The following CNOT9 variants were observed in gnomAD, a reference collection of about 807,000 sequenced individuals.
CNOT9 encodes CCR4-NOT transcription complex subunit 9.
In CNOT9, 8 loss-of-function variants were observed where a neutral mutation model predicts 37.4. That is an observed-to-expected ratio of 0.21 (90% CI 0.13 to 0.39). The LOEUF is 0.39. Among genes scored for constraint, CNOT9 ranks in the 10% least tolerant of loss-of-function variants. The pLI, the probability that CNOT9 is intolerant of heterozygous loss-of-function variation, is 1.00. For missense variants in CNOT9, 154 were observed against 365.3 expected (o/e 0.42, Z 4.71); for synonymous variants, 120 against 137.6 (o/e 0.87, Z 0.90).
chr2:218,576,970 A>AC (rs200808785), intron 1 of CNOT9, among the ~76,000 whole-genome samples: 1,938 of 151,812 alleles, frequency 0.013, 50 homozygotes, highest in African/African-American at 0.045. Flanking sequence ...CCATCTCAAA[A>AC]AAAAAAAAAA....
At chr2:218,586,436 AAG>A (rs1694600672) in intron 4 of CNOT9, among the ~76,000 whole-genome samples, 1 of 152,028 alleles carries the variant, frequency 6.6e-6, no homozygotes, top group African/African-American at 2.4e-5. Flanking sequence ...ACAAGCCAGG[AAG>A]AGAGACTTTA....
rs1694829919 is a variant in CNOT9 at position 218,592,984 on chromosome 2, T to C, written c.731+277T>C. The C allele has an allele frequency of 1.2e-5, 5 of 409,322 alleles. No homozygotes were observed. Among genetic ancestry groups the C allele is most frequent in the Non-Finnish European group, 1.7e-5 (4 of 229,220 alleles). The allele number at this position is 409,322 out of a possible 1,614,324, so 25.4% of individuals were successfully genotyped here. On this transcript the variant is annotated intron_variant, in intron 7 of 7. Coordinates refer to ENST00000273064, the MANE Select transcript of CNOT9 (RefSeq NM_005444.3). The surrounding 1 kb of genome is among the most constrained non-coding windows in gnomAD (Gnocchi z 4.1). ...ACCTTATGATGCATTACTCCTGTTG[T>C]TTGAATTTTCTGTTGCTACTCTACG... is the stretch of plus-strand genomic sequence containing the variant.
At position 218,595,433 on chromosome 2, in the gene CNOT9, G is replaced by T. The variant is rs201120391; in HGVS notation, c.*1157G>T. On this transcript the variant is annotated 3_prime_UTR_variant, in exon 8 of 8. Coordinates refer to ENST00000273064, the MANE Select transcript of CNOT9 (RefSeq NM_005444.3). Reference sequence around the variant, plus strand: ...TTTTTTTTTTTTTTTTTTTTTTTTTGACCATTCTCTTTTAGTCTATGGGAA... The same window carrying T: ...TTTTTTTTTTTTTTTTTTTTTTTTTTACCATTCTCTTTTAGTCTATGGGAA... 1.7e-3 allele frequency: 27 copies of T among 15,906 alleles called. No individual in the cohort carries two copies. The highest frequency in any genetic ancestry group is 5.7e-3 in the East Asian group (2 of 348). The allele number at this position is 15,906 out of a possible 1,614,324, so 1.0% of individuals were successfully genotyped here.
chr2:218,582,029 C>T (rs987087891), intron 2 of CNOT9, among the ~76,000 whole-genome samples: 3 of 152,024 alleles, frequency 2.0e-5, no homozygotes, highest in Admixed American at 6.6e-5. Flanking sequence ...CTGCAGTGAG[C>T]CATGATCATG....
intron 4 of CNOT9, among the ~76,000 whole-genome samples, chr2:218,587,148 T>C (rs190419758): frequency 3.9e-4 from 60 of 152,216 alleles, no homozygotes; most frequent in Middle Eastern, 6.8e-3. Flanking sequence ...AAAGCTTTTT[T>C]TTTTAGAGAG....
chr2:218,575,110 C>T (rs1266870783), intron 1 of CNOT9, among the ~76,000 whole-genome samples: 3 of 152,118 alleles, frequency 2.0e-5, no homozygotes, highest in Admixed American at 1.3e-4. Context: ...AATGACTTAT[C>T]CTAGGTCACA....
rs1488843134 is a variant in CNOT9 at position 218,594,192 on chromosome 2, G to A, written c.816G>A (p.Thr272=). The change falls in exon 8 of 8, where the codon ACG becomes ACA. Residue 272 remains threonine (T), a synonymous_variant. Transcript: ENST00000273064. ...FAQVLKDDTT[T]KRWLAQLVKN... ...AGGTGCTAAAAGATGACACCACCAC[G>A]AAACGCTGGCTTGCACAACTGGTGA... The A allele has an allele frequency of 2.5e-6, 4 of 1,614,202 alleles. No homozygotes were observed. The highest frequency in any genetic ancestry group is 1.6e-4 in the Middle Eastern group (1 of 6,062).
rs2106099510 is a variant in CNOT9, at chr2:218,592,047, C to T, written c.541-257C>T. Among the ~76,000 whole-genome samples the T allele has an allele frequency of 6.6e-6, 1 of 152,070 alleles. No individual in the cohort carries two copies. Among genetic ancestry groups the T allele is most frequent in the East Asian group, 1.9e-4 (1 of 5,188 alleles). The stretch of plus-strand genomic sequence containing the variant: ...ATGTAAAGTGAGAATAATAATGGTA[C>T]CTACCTCATTGATTTATTATAAAAA... On this transcript the variant is annotated intron_variant, in intron 5 of 7. Coordinates refer to ENST00000273064, the MANE Select transcript of CNOT9 (RefSeq NM_005444.3). The surrounding 1 kb of genome is among the most constrained non-coding windows in gnomAD (Gnocchi z 4.1).
chr2:218,577,629 G>C (rs996741483), intron 1 of CNOT9, among the ~76,000 whole-genome samples: 4 of 152,206 alleles, frequency 2.6e-5, no homozygotes, highest in African/African-American at 7.2e-5. Flanking sequence ...TGGGCATCAG[G>C]CCAGCTCCAG....
chr2:218,582,787 G>A (rs1011476349), intron 2 of CNOT9, among the ~76,000 whole-genome samples, 184 bp from the exon 3 acceptor site: 1 of 151,654 alleles, frequency 6.6e-6, no homozygotes, highest in African/African-American at 2.4e-5. Context: ...GCTAGTCTCA[G>A]CCAAGTAAGT....
intron 5 of CNOT9, among the ~76,000 whole-genome samples, chr2:218,588,919 G>A (rs1485786003): frequency 6.6e-6 from 1 of 151,532 alleles, no homozygotes; most frequent in Non-Finnish European, 1.5e-5. Context: ...CTTTTTTGTT[G>A]ATTTGTATAT....
At chr2:218,569,538 G>A (rs1242651308) in intron 1 of CNOT9, among the ~76,000 whole-genome samples, 18 of 152,174 alleles carry the variant, frequency 1.2e-4, no homozygotes, top group Non-Finnish European at 1.5e-5. Context: ...GAAAGATAGT[G>A]TAATTCAGCT....
intron 7 of CNOT9, chr2:218,593,812 CA>C: frequency 8.1e-7 from 1 of 1,230,896 alleles, no homozygotes; most frequent in African/African-American, 1.5e-5. Context: ...AGTATTTTGA[CA>C]GTATTTAATA....
intron 1 of CNOT9, chr2:218,573,735 C>G (rs192379967): frequency 6.4e-6 from 1 of 155,572 alleles, no homozygotes; most frequent in East Asian, 1.9e-4. Context: ...AGAAGACCAA[C>G]TTAAACTGTC....
At chr2:218,581,344 T>A (rs28547028) in intron 2 of CNOT9, among the ~76,000 whole-genome samples, 42 of 151,012 alleles carry the variant, frequency 2.8e-4, no homozygotes, top group Admixed American at 5.3e-4. Flanking sequence ...TTTTTTTTTT[T>A]AATTTTTAGT....
Position 218,589,850 on chromosome 2 carries a change from G to A in CNOT9, c.540+2155G>A, listed in dbSNP as rs528279485. Among the ~76,000 whole-genome samples the A allele has an allele frequency of 9.8e-5, 15 of 152,288 alleles. No individual in the cohort carries two copies. In the South Asian group the frequency reaches 3.1e-3, roughly 32 times the overall value. ...TATTTTAAATATTCAATATATGGAT[G>A]ACTGTCAAAGGCATTGTTGAGCAAA... is the stretch of plus-strand genomic sequence containing the variant. On this transcript the variant is annotated intron_variant, in intron 5 of 7. Transcript: ENST00000273064.
In CNOT9 at chr2:218,592,646, C is replaced by G. The variant is rs549239629; in HGVS notation, c.670C>G (p.Pro224Ala). ...GATGGTCCTGCAGCTATCCAAAGAG[C>G]CTTCTGCCCGTCTGCTGAAGCATGT... ...GKMVLQLSKE[P>A]SARLLKHVVR... Residue 224 changes from proline to alanine, a missense_variant, in exon 7 of 8, where the codon CCT becomes GCT. Around this residue, in one of 2 missense-constraint regions of CNOT9, gnomAD observed 117 missense variants for 325.4 expected, o/e 0.36. Coordinates refer to ENST00000273064, the MANE Select transcript of CNOT9 (RefSeq NM_005444.3). The surrounding 1 kb of genome is among the most constrained non-coding windows in gnomAD (Gnocchi z 4.1). 3 of 1,614,170 alleles carry G rather than the reference C, an allele frequency of 1.9e-6. No homozygotes were observed. Among genetic ancestry groups the G allele is most frequent in the Middle Eastern group, 1.6e-4 (1 of 6,062 alleles).
intron 2 of CNOT9, among the ~76,000 whole-genome samples, chr2:218,581,406 G>T (rs1269189698): frequency 6.6e-6 from 1 of 151,228 alleles, no homozygotes; most frequent in African/African-American, 2.4e-5. Flanking sequence ...TCCTGACCTC[G>T]TGATCCACCC....
Position 218,594,144 on chromosome 2 carries a change from G to A in CNOT9, c.768G>A (p.Gln256=). The A allele has an allele frequency of 1.2e-6, 2 of 1,614,236 alleles. No individual in the cohort carries two copies. Among genetic ancestry groups the A allele is most frequent in the Non-Finnish European group, 1.7e-6 (2 of 1,180,042 alleles). The change falls in exon 8 of 8, where the codon CAG becomes CAA. Residue 256 remains glutamine, a synonymous_variant. Transcript: ENST00000273064. ...CACTCAGACAGTGCCTCCCTGACCA[G>A]CTGAAAGACACAACCTTCGCCCAGG... The part of the protein sequence containing the change: ...REALRQCLPD[Q]LKDTTFAQVL...
Sources: allele counts gnomAD v4.1 joint callset (sites outside exome capture counted in the v4.1 genomes callset), GRCh38; gene constraint gnomAD v4.1.1; regional missense constraint gnomAD v4.1.1; non-coding constraint Gnocchi (gnomAD v3.1); transcripts MANE v1.5; gene names NCBI Gene and HGNC (gene_info 2026-07-23, HGNC 2026-07-21).